The following DSCAM variants were observed in gnomAD, a reference collection of about 807,000 sequenced individuals.
DSCAM encodes cell adhesion molecule DSCAM.
A neutral mutation model predicts 217.7 loss-of-function variants in DSCAM; 47 were observed. The ratio of observed to expected loss-of-function variants is 0.22; its 90% CI spans 0.17 to 0.28. The LOEUF (loss-of-function observed/expected upper bound fraction) is 0.28, where lower values mean the gene tolerates loss of function less well. Ranked by LOEUF, DSCAM falls within the 10% of genes least tolerant of loss-of-function variation. DSCAM has a pLI of 1.00. For synonymous variants in DSCAM, 1,056 were observed against 1,015.3 expected (o/e 1.04, Z -0.76); for missense variants, 2,080 against 2,618.3 (o/e 0.79, Z 4.49).
intron 10 of DSCAM, among the ~76,000 whole-genome samples, chr21:40,282,261 C>A (rs1325856213): frequency 6.6e-6 from 1 of 152,012 alleles, no homozygotes; most frequent in Non-Finnish European, 1.5e-5. Context: ...GAAAACTCAA[C>A]CAAATATAGG....
chr21:40,093,578 C>G, intron 21 of DSCAM, 143 bp downstream of exon 21: 1 of 1,022,664 alleles, frequency 9.8e-7, no homozygotes, highest in Non-Finnish European at 1.4e-6. Flanking sequence ...AGCTTGTTAG[C>G]CACAACCCTG....
chr21:40,632,616 C>T (rs1027631026), intron 3 of DSCAM, among the ~76,000 whole-genome samples: 8 of 152,176 alleles, frequency 5.3e-5, no homozygotes, highest in African/African-American at 1.9e-4. Flanking sequence ...AATAAAATAA[C>T]GTGTTTTGCT....
At chr21:40,563,736 TTATA>T (rs201175050) in intron 3 of DSCAM, among the ~76,000 whole-genome samples, 1,583 of 146,756 alleles carry the variant, frequency 0.011, 31 homozygotes, top group African/African-American at 0.036. Context: ...GTTTATATGT[TTATA>T]TATAGTTATA....
At chr21:40,425,347 G>A (rs1260625333) in intron 3 of DSCAM, among the ~76,000 whole-genome samples, 1 of 152,078 alleles carries the variant, frequency 6.6e-6, no homozygotes, top group Non-Finnish European at 1.5e-5. Context: ...CCAACATGGT[G>A]AAACCCCGTC....
intron 11 of DSCAM, among the ~76,000 whole-genome samples, chr21:40,189,986 T>C (rs1222299050): frequency 1.3e-5 from 2 of 152,232 alleles, no homozygotes; most frequent in East Asian, 3.9e-4. Flanking sequence ...AATCCCTTGT[T>C]GCTGCTAACC....
At chr21:40,595,383 A>AAAAGG in intron 3 of DSCAM, among the ~76,000 whole-genome samples, 1 of 68,298 alleles carries the variant, frequency 1.5e-5, no homozygotes, top group African/African-American at 4.6e-5. Context: ...GTCTCAAAAA[A>AAAAGG]AAAGAAAAGA....
At chr21:40,626,069 C>G (rs2089596600) in intron 3 of DSCAM, among the ~76,000 whole-genome samples, 1 of 152,090 alleles carries the variant, frequency 6.6e-6, no homozygotes, top group South Asian at 2.1e-4. Context: ...TTATGGAATT[C>G]AACAGATACA....
At chr21:40,601,374 C>T (rs2077060749) in intron 3 of DSCAM, among the ~76,000 whole-genome samples, 1 of 152,172 alleles carries the variant, frequency 6.6e-6, no homozygotes, top group African/African-American at 2.4e-5. Context: ...TATCCTGCAA[C>T]CCTCTATGAC....
At chr21:40,457,010 A>T (rs2222972) in intron 3 of DSCAM, among the ~76,000 whole-genome samples, 17,863 of 152,224 alleles carry the variant, frequency 0.12, 1,108 homozygotes, top group Middle Eastern at 0.2. Context: ...AAAAGTCCAT[A>T]GGACAAAGAA....
chr21:40,148,003 G>A (rs1024106570), intron 16 of DSCAM, among the ~76,000 whole-genome samples: 62 of 152,184 alleles, frequency 4.1e-4, no homozygotes, highest in African/African-American at 1.4e-3. Context: ...TGTTTCAATT[G>A]GCTGTTAATG....
At chr21:40,349,136 CAAAAAAAA>C (rs758386936) in intron 5 of DSCAM, among the ~76,000 whole-genome samples, 2 of 38,720 alleles carry the variant, frequency 5.2e-5, no homozygotes, top group Non-Finnish European at 9.6e-5. Flanking sequence ...GACTCCATCT[CAAAAAAAA>C]AAAAAAAAAA....
intron 3 of DSCAM, among the ~76,000 whole-genome samples, chr21:40,510,773 C>A (rs1341469447): frequency 6.6e-6 from 1 of 152,190 alleles, no homozygotes; most frequent in Non-Finnish European, 1.5e-5. Flanking sequence ...AAATCAGGAT[C>A]CTTTTCAGTG....
intron 1 of DSCAM, among the ~76,000 whole-genome samples, chr21:40,769,740 T>G (rs2091428206): frequency 6.6e-6 from 1 of 152,184 alleles, no homozygotes; most frequent in South Asian, 2.1e-4. Context: ...AGAATCCTGC[T>G]TAGTTTGGCT....
In DSCAM at chr21:40,353,671, T is replaced by C. The variant is rs1601579399; in HGVS notation, c.728A>G (p.Glu243Gly). The C allele has an allele frequency of 2.5e-6, 4 of 1,609,260 alleles. No individual in the cohort carries two copies. The highest frequency in any genetic ancestry group is 2.2e-5 in the East Asian group (1 of 44,780). The change falls in exon 5 of 33, where the codon GAG becomes GGG. Residue 243 changes from glutamate to glycine, a missense_variant. Around this residue, in one of 5 missense-constraint regions of DSCAM, gnomAD observed 568 missense variants for 678.1 expected, o/e 0.84. Coordinates refer to ENST00000400454, the MANE Select transcript of DSCAM (RefSeq NM_001389.5). ...HRKAMAGQRV[E>G]LPCKALGHPE... Reference sequence around the variant, plus strand: ...GTGCCCGAGCGCTTTGCAAGGCAGCTCCACACGCTGCCCAGCCATGGCTTT... The same window carrying C: ...GTGCCCGAGCGCTTTGCAAGGCAGCCCCACACGCTGCCCAGCCATGGCTTT...
chr21:40,648,513 A>G (rs1225916793), intron 3 of DSCAM, among the ~76,000 whole-genome samples: 2 of 152,176 alleles, frequency 1.3e-5, no homozygotes, highest in African/African-American at 2.4e-5. Context: ...AAGCCTAGCT[A>G]TAAGTCCTGG....
intron 4 of DSCAM, among the ~76,000 whole-genome samples, chr21:40,354,481 C>T (rs1385169245): frequency 6.6e-6 from 1 of 152,084 alleles, no homozygotes; most frequent in Admixed American, 6.5e-5. Flanking sequence ...GATCCTCCTG[C>T]CTGGGCCTCC....
At chr21:40,334,021 G>C (rs76167902) in intron 8 of DSCAM, among the ~76,000 whole-genome samples, 1 of 152,168 alleles carries the variant, frequency 6.6e-6, no homozygotes, top group East Asian at 1.9e-4. Context: ...AACAGTCCTT[G>C]TTTGAATTTT....
intron 3 of DSCAM, among the ~76,000 whole-genome samples, chr21:40,519,091 C>T: frequency 6.6e-6 from 1 of 152,076 alleles, no homozygotes; most frequent in East Asian, 1.9e-4. Flanking sequence ...CCGATGTTGA[C>T]TGAAATGTCA....
At chr21:40,771,359 G>A (rs544510883) in intron 1 of DSCAM, among the ~76,000 whole-genome samples, 31 of 152,298 alleles carry the variant, frequency 2.0e-4, no homozygotes, top group African/African-American at 7.2e-4. Context: ...ATGGAGGAGG[G>A]AGTATTGGGA....
Sources: gnomAD v4.1 joint callset for allele counts (sites outside exome capture counted in the v4.1 genomes callset) on GRCh38, gnomAD v4.1.1 for gene constraint, gnomAD v4.1.1 regional missense constraint, MANE v1.5 for transcripts, NCBI Gene and HGNC (gene_info 2026-07-23, HGNC 2026-07-21) for gene names.